Variants in MITD1 observed in about 807,000 individuals in gnomAD.
The protein encoded by MITD1 is microtubule interacting and trafficking domain containing 1.
In MITD1, 24 loss-of-function variants were observed where a neutral mutation model predicts 34.9. The observed-to-expected ratio is 0.69, with a 90% CI of 0.50 to 0.97. The LOEUF is 0.97. MITD1 is among the 50% of genes least tolerant of loss of function. MITD1 has a pLI of 0.00. For missense variants in MITD1, 266 were observed against 294.6 expected (o/e 0.90, Z 0.71); for synonymous variants, 102 against 101.4 (o/e 1.01, Z -0.04).
chr2:99,162,214 TGAA>T, exon 8 of MITD1: 1 of 1,613,994 alleles, frequency 6.2e-7, no homozygotes, highest in Admixed American at 1.7e-5. Context: ...GAATGTAACC[TGAA>T]TCTAATGAGA....
At chr2:99,167,832 T>C (rs997734442), downstream of MITD1, among the ~76,000 whole-genome samples, 1 of 152,188 alleles carries the variant, frequency 6.6e-6, no homozygotes, top group Non-Finnish European at 1.5e-5. Context: ...AGATTCAGTA[T>C]TATCAGCACC....
At chr2:99,161,991 C>T in exon 8 of MITD1, 15 of 1,608,828 alleles carry the variant, frequency 9.3e-6, no homozygotes, top group Non-Finnish European at 1.3e-5. Context: ...GAATTGCTTC[C>T]AGTTACTTTG....
chr2:99,165,019 T>C (rs893950736), downstream of MITD1, among the ~76,000 whole-genome samples: 54 of 136,752 alleles, frequency 3.9e-4, no homozygotes, highest in African/African-American at 1.1e-3. Flanking sequence ...CAAAATGGCA[T>C]ACACACACAC....
intron 4 of MITD1, among the ~76,000 whole-genome samples, 191 bp downstream of exon 4, chr2:99,171,152 G>T (rs934149992): frequency 6.6e-6 from 1 of 152,164 alleles, no homozygotes; most frequent in African/African-American, 2.4e-5. Context: ...TAGCAAAGTG[G>T]CCAAATACAA....
At chr2:99,167,229 C>T (rs1559175019), downstream of MITD1, among the ~76,000 whole-genome samples, 1 of 148,952 alleles carries the variant, frequency 6.7e-6, no homozygotes, top group Non-Finnish European at 1.5e-5. Flanking sequence ...TGGTGTTACT[C>T]TCTTTTGTCA....
chr2:99,174,699 T>G (rs1480536827), intron 1 of MITD1, among the ~76,000 whole-genome samples: 1 of 152,218 alleles, frequency 6.6e-6, no homozygotes, highest in Non-Finnish European at 1.5e-5. Context: ...CAAGCAATTC[T>G]CCTGTCTTAG....
At chr2:99,168,457 T>G (rs2105210721), downstream of MITD1, among the ~76,000 whole-genome samples, 1 of 152,352 alleles carries the variant, frequency 6.6e-6, no homozygotes, top group East Asian at 1.9e-4. Context: ...TTCTTTGAGC[T>G]GTGGACCGCC....
intron 2 of MITD1, chr2:99,173,350 T>C (rs938411119): frequency 1.3e-5 from 5 of 379,778 alleles, no homozygotes; most frequent in Admixed American, 8.3e-5. Flanking sequence ...GAAATGGCCA[T>C]TTACAGACAT....
chr2:99,162,220 T>C lies in MITD1; in HGVS notation c.*4-2A>G. The C allele has an allele frequency of 6.2e-7, 1 of 1,613,988 alleles. No individual in the cohort carries two copies. Among genetic ancestry groups the C allele is most frequent in the Non-Finnish European group, 8.5e-7 (1 of 1,180,014 alleles). On this transcript the variant is annotated splice_acceptor_variant, in intron 7 of 7. Coordinates refer to the MITD1 transcript ENST00000422537. LOFTEE classifies it low-confidence loss of function (3UTR_SPLICE). ...CCTTGGCAGGAATGTAACCTGAATCTAATGAGAGAAGAAGGTATAAAACTG... is the reference window on the plus strand; with the variant it reads ...CCTTGGCAGGAATGTAACCTGAATCCAATGAGAGAAGAAGGTATAAAACTG...
chr2:99,180,583 T>G, intron 1 of MITD1: 1 of 354,596 alleles, frequency 2.8e-6, no homozygotes, highest in South Asian at 5.2e-5. Flanking sequence ...TTACATTGCG[T>G]TATATCTTAT....
At chr2:99,165,857 C>G (rs2093824475), downstream of MITD1, among the ~76,000 whole-genome samples, 1 of 152,158 alleles carries the variant, frequency 6.6e-6, no homozygotes, top group African/African-American at 2.4e-5. Context: ...ATGATGAGAA[C>G]CCTTCTCTGG....
downstream of MITD1, among the ~76,000 whole-genome samples, chr2:99,166,858 A>AAT (rs10584187): frequency 0.027 from 3,156 of 114,844 alleles, 72 homozygotes; most frequent in African/African-American, 0.074. Flanking sequence ...TGGGGTTTTA[A>AAT]ATATATATAT....
intron 1 of MITD1, chr2:99,178,286 A>T (rs3851335): frequency 0.98 from 149,064 of 152,354 alleles, 72,968 homozygotes; most frequent in Middle Eastern, 1. Context: ...ATGGCTATAC[A>T]CACCTCTTAT....
chr2:99,171,881 G>A, intron 2 of MITD1: 2 of 447,500 alleles, frequency 4.5e-6, no homozygotes, highest in South Asian at 5.9e-5. Context: ...GGCTAGGCAA[G>A]GGGGAAAATC....
chr2:99,162,075 G>T (rs1310247310), exon 8 of MITD1: 29 of 1,613,954 alleles, frequency 1.8e-5, no homozygotes, highest in Non-Finnish European at 2.4e-5. Context: ...AATTTCCAAT[G>T]ATGTCTATCA....
chr2:99,170,916 G>T, intron 4 of MITD1: 1 of 277,786 alleles, frequency 3.6e-6, no homozygotes, highest in Non-Finnish European at 6.8e-6. Context: ...CATCCAGGTG[G>T]AGCTGACTGC....
chr2:99,166,595 T>C (rs972485309), downstream of MITD1, among the ~76,000 whole-genome samples: 1 of 151,400 alleles, frequency 6.6e-6, no homozygotes, highest in Non-Finnish European at 1.5e-5. Context: ...ATAGGAATGA[T>C]GCAGTACAGC....
At chr2:99,175,199 A>G (rs537723281) in intron 1 of MITD1, among the ~76,000 whole-genome samples, 1 of 152,336 alleles carries the variant, frequency 6.6e-6, no homozygotes, top group South Asian at 2.1e-4. Flanking sequence ...CTGAAACAAT[A>G]CTATGAACTT....
chr2:99,162,118 A>G, exon 8 of MITD1: 1 of 1,614,174 alleles, frequency 6.2e-7, no homozygotes, highest in Middle Eastern at 1.6e-4. Flanking sequence ...ATCCATGACC[A>G]TATGAATCTA....
Sources: allele counts gnomAD v4.1 joint callset (sites outside exome capture counted in the v4.1 genomes callset), GRCh38; gene constraint gnomAD v4.1.1; transcripts MANE v1.5; gene names NCBI Gene and HGNC (gene_info 2026-07-23, HGNC 2026-07-21).